GPM6A: variants seen among roughly 807,000 people sequenced by gnomAD.
GPM6A encodes neuronal membrane glycoprotein M6-a.
A neutral mutation model predicts 32.1 loss-of-function variants in GPM6A; 7 were observed. The observed-to-expected ratio is 0.22, with a 90% CI of 0.12 to 0.41. The LOEUF (loss-of-function observed/expected upper bound fraction) is 0.41. Ranked by LOEUF, GPM6A falls within the 10% of genes least tolerant of loss-of-function variation. The pLI is 1.00. For synonymous variants in GPM6A, 130 were observed against 123.4 expected (o/e 1.05, Z -0.35); for missense variants, 235 against 347.2 (o/e 0.68, Z 2.57).
intron 1 of GPM6A, among the ~76,000 whole-genome samples, chr4:175,800,397 T>A (rs775379591): frequency 6.6e-6 from 1 of 152,190 alleles, no homozygotes; most frequent in East Asian, 1.9e-4. Context: ...TTTCACTGAA[T>A]GCAAATTATC....
chr4:175,733,788 G>A (rs949825472), intron 1 of GPM6A, among the ~76,000 whole-genome samples: 1 of 152,184 alleles, frequency 6.6e-6, no homozygotes, highest in Non-Finnish European at 1.5e-5. Flanking sequence ...GTGCCTGCGA[G>A]TAGTGGGCCC....
At chr4:175,636,274 A>G (rs113309184) in intron 6 of GPM6A, among the ~76,000 whole-genome samples, 15,009 of 122,170 alleles carry the variant, frequency 0.12, 1,415 homozygotes, top group Non-Finnish European at 0.18. Context: ...ATATATATAT[A>G]TATATATATA....
intron 1 of GPM6A, among the ~76,000 whole-genome samples, chr4:175,759,946 G>A (rs1732673872): frequency 6.6e-6 from 1 of 152,082 alleles, no homozygotes; most frequent in Non-Finnish European, 1.5e-5. Context: ...TTGGGAAGCC[G>A]AGACAGGCAG....
chr4:175,725,993 C>CTTTTTTT (rs377474451), intron 1 of GPM6A, among the ~76,000 whole-genome samples: 10 of 121,922 alleles, frequency 8.2e-5, no homozygotes, highest in Non-Finnish European at 1.3e-4. Flanking sequence ...CCTGTTTCTT[C>CTTTTTTT]TTTTTTTTTT....
chr4:175,824,377 A>C (rs1735369843), intron 1 of GPM6A, among the ~76,000 whole-genome samples: 1 of 152,326 alleles, frequency 6.6e-6, no homozygotes, highest in South Asian at 2.1e-4. Context: ...TCAAGTAAGC[A>C]GTAAGCAACC....
intron 1 of GPM6A, among the ~76,000 whole-genome samples, chr4:175,978,702 A>G (rs1740735639): frequency 6.6e-6 from 1 of 152,218 alleles, no homozygotes; most frequent in Non-Finnish European, 1.5e-5. Context: ...TTAGCTGCAT[A>G]TTGGATTCAA....
chr4:175,927,207 G>A (rs533363291), intron 1 of GPM6A, among the ~76,000 whole-genome samples: 11 of 152,300 alleles, frequency 7.2e-5, no homozygotes, highest in African/African-American at 2.2e-4. Flanking sequence ...CTATTAGGAC[G>A]GAAGGACACG....
intron 6 of GPM6A, among the ~76,000 whole-genome samples, chr4:175,637,347 A>T (rs1414531198): frequency 2.2e-5 from 1 of 45,594 alleles, no homozygotes; most frequent in African/African-American, 1.0e-4. Flanking sequence ...TATATTATAT[A>T]AAAATATATA....
chr4:176,001,709 G>A (rs1741487865), intron 1 of GPM6A, among the ~76,000 whole-genome samples: 1 of 152,186 alleles, frequency 6.6e-6, no homozygotes, highest in African/African-American at 2.4e-5. Context: ...TCAGCCTTCA[G>A]CCTCAACCTC....
At chr4:175,859,641 A>G (rs1277001849) in intron 1 of GPM6A, among the ~76,000 whole-genome samples, 2 of 152,170 alleles carry the variant, frequency 1.3e-5, no homozygotes, top group Non-Finnish European at 2.9e-5. Flanking sequence ...TAATATCTAG[A>G]CAAGATTCTC....
chr4:175,908,960 C>A (rs1315769623), intron 1 of GPM6A, among the ~76,000 whole-genome samples: 1 of 141,994 alleles, frequency 7.0e-6, no homozygotes, highest in Non-Finnish European at 1.5e-5. Context: ...TTTCTGTTTT[C>A]CCATCGCTCT....
chr4:175,968,458 G>A (rs1740398221), intron 1 of GPM6A, among the ~76,000 whole-genome samples: 1 of 152,098 alleles, frequency 6.6e-6, no homozygotes, highest in African/African-American at 2.4e-5. Context: ...TTGCTGCTTG[G>A]CAAAAGATGC....
At chr4:175,955,411 A>T (rs776515885) in intron 1 of GPM6A, among the ~76,000 whole-genome samples, 2 of 152,232 alleles carry the variant, frequency 1.3e-5, no homozygotes, top group African/African-American at 4.8e-5. Context: ...TCCCAGCTGC[A>T]TAAGTTTCTA....
upstream of GPM6A, among the ~76,000 whole-genome samples, chr4:175,813,478 G>A (rs1735006191): frequency 6.6e-6 from 1 of 151,920 alleles, no homozygotes; most frequent in South Asian, 2.1e-4. Context: ...AAGGATCCTT[G>A]CCTCTGTCTT....
In GPM6A at chr4:175,701,615, T is replaced by A. The variant is rs1263365232; in HGVS notation, c.190A>T (p.Met64Leu). The A allele has an allele frequency of 1.2e-6, 2 of 1,613,894 alleles. No individual in the cohort carries two copies. Among genetic ancestry groups the A allele is most frequent in the African/African-American group, 1.3e-5 (1 of 74,910 alleles). The change falls in exon 2 of 7, where the codon ATG becomes TTG. Residue 64 changes from methionine (M) to leucine (L), a missense_variant. By Grantham distance (15) the Met-to-Leu change is conservative. Around this residue, in one of 3 missense-constraint regions of GPM6A, gnomAD observed 101 missense variants for 171.2 expected, o/e 0.59. Transcript: ENST00000393658. The stretch of plus-strand genomic sequence containing the variant: ...AGTGTGTCTCCAGCAGTTCTTGCCA[T>A]CTCAAAGTAGGTTTGCAGAATGTTG... ...TVNILQTYFE[M>L]ARTAGDTLDV...
intron 1 of GPM6A, among the ~76,000 whole-genome samples, chr4:175,796,777 T>C (rs1370073083): frequency 6.6e-6 from 1 of 152,198 alleles, no homozygotes; most frequent in Non-Finnish European, 1.5e-5. Flanking sequence ...TATTCATTAG[T>C]TCAAAAACAA....
At chr4:175,754,967 C>A (rs1474123658) in intron 1 of GPM6A, among the ~76,000 whole-genome samples, 1 of 151,916 alleles carries the variant, frequency 6.6e-6, no homozygotes, top group Non-Finnish European at 1.5e-5. Context: ...CTACTCCCCC[C>A]ACAACACACA....
intron 3 of GPM6A, among the ~76,000 whole-genome samples, chr4:175,655,900 A>G (rs1224289328): frequency 6.6e-6 from 1 of 152,116 alleles, no homozygotes; most frequent in African/African-American, 2.4e-5. Context: ...TGTAAGCAGT[A>G]ACTCAAAGAG....
At chr4:175,840,405 C>A (rs1735898333) in intron 1 of GPM6A, among the ~76,000 whole-genome samples, 1 of 152,132 alleles carries the variant, frequency 6.6e-6, no homozygotes, top group Non-Finnish European at 1.5e-5. Context: ...AGTCCGGGTG[C>A]GGTGGCTCAC....
Sources: allele counts gnomAD v4.1 joint callset (sites outside exome capture counted in the v4.1 genomes callset), GRCh38; gene constraint gnomAD v4.1.1; regional missense constraint gnomAD v4.1.1; transcripts MANE v1.5; gene names NCBI Gene and HGNC (gene_info 2026-07-23, HGNC 2026-07-21).